Variants in DMRT1 observed in about 807,000 individuals in gnomAD.
DMRT1 encodes the protein doublesex and mab-3 related transcription factor 1, also known as doublesex- and mab-3-related transcription factor 1.
Under a neutral mutation model 32.3 loss-of-function variants are expected in DMRT1, and 7 were observed. The observed-to-expected ratio is 0.22, with a 90% CI of 0.12 to 0.41. The LOEUF (loss-of-function observed/expected upper bound fraction) is 0.41, where lower values mean the gene tolerates loss of function less well. Ranked by LOEUF, DMRT1 falls within the 10% of genes least tolerant of loss-of-function variation. DMRT1 has a pLI of 1.00. For missense variants in DMRT1, 625 were observed against 500.5 expected (o/e 1.25, Z -2.37); for synonymous variants, 278 against 206.1 (o/e 1.35, Z -2.99).
intron 2 of DMRT1, among the ~76,000 whole-genome samples, chr9:885,283 A>G (rs1225506479): frequency 6.6e-6 from 1 of 152,140 alleles, no homozygotes; most frequent in East Asian, 1.9e-4. Context: ...CCTCTGCCTT[A>G]TTGCAAGGAT....
chr9:862,529 G>A (rs2132583815), intron 2 of DMRT1, among the ~76,000 whole-genome samples: 1 of 151,326 alleles, frequency 6.6e-6, no homozygotes, highest in South Asian at 2.1e-4. Context: ...GGGAGGGGGA[G>A]GGGGAGGGAG....
chr9:958,482 T>G (rs1819667782), intron 4 of DMRT1, among the ~76,000 whole-genome samples: 1 of 152,200 alleles, frequency 6.6e-6, no homozygotes, highest in South Asian at 2.1e-4. Context: ...TTCTCCTGCC[T>G]CAGCCTCCCA....
chr9:924,485 C>T (rs1468714268), intron 4 of DMRT1, among the ~76,000 whole-genome samples: 1 of 152,172 alleles, frequency 6.6e-6, no homozygotes, highest in Non-Finnish European at 1.5e-5. Context: ...ATGGCAGAAT[C>T]TGTCATCTCT....
intron 4 of DMRT1, among the ~76,000 whole-genome samples, chr9:938,334 A>G (rs185852605): frequency 6.6e-6 from 1 of 152,328 alleles, no homozygotes; most frequent in Non-Finnish European, 1.5e-5. Context: ...TTTTGATGGA[A>G]ATTGAATTGA....
chr9:842,216 C>T (rs1185669209), intron 1 of DMRT1, 24 bp downstream of exon 1: 3 of 1,455,114 alleles, frequency 2.1e-6, no homozygotes, highest in East Asian at 2.5e-5. Flanking sequence ...TGCGGGAGCC[C>T]GGGTTCAGCC....
At chr9:904,641 A>T (rs1817701791) in intron 3 of DMRT1, among the ~76,000 whole-genome samples, 1 of 152,178 alleles carries the variant, frequency 6.6e-6, no homozygotes, top group Non-Finnish European at 1.5e-5. Flanking sequence ...TGGATGAGAA[A>T]GAAAACTCAA....
intron 2 of DMRT1, among the ~76,000 whole-genome samples, chr9:881,610 T>C (rs1392235000): frequency 6.6e-6 from 1 of 152,226 alleles, no homozygotes; most frequent in Non-Finnish European, 1.5e-5. Context: ...TTTTAAGTTG[T>C]TTGATTACAG....
intron 4 of DMRT1, among the ~76,000 whole-genome samples, chr9:955,416 A>G (rs1819567754): frequency 6.6e-6 from 1 of 152,234 alleles, no homozygotes; most frequent in African/African-American, 2.4e-5. Context: ...AAAAGAGGCA[A>G]AAAACTTGGC....
At chr9:966,064 T>C (rs1313006337) in intron 4 of DMRT1, among the ~76,000 whole-genome samples, 1 of 152,194 alleles carries the variant, frequency 6.6e-6, no homozygotes, top group Non-Finnish European at 1.5e-5. Flanking sequence ...TAGTCGGCTC[T>C]CCAGATCTGT....
chr9:912,860 C>G (rs577444486), intron 3 of DMRT1, among the ~76,000 whole-genome samples: 1 of 152,132 alleles, frequency 6.6e-6, no homozygotes, highest in Non-Finnish European at 1.5e-5. Context: ...ACCAGATTTT[C>G]TTGAGTGGAG....
intron 3 of DMRT1, among the ~76,000 whole-genome samples, chr9:916,373 C>CTTT (rs397893687): frequency 1.1e-4 from 16 of 146,110 alleles, no homozygotes; most frequent in East Asian, 6.0e-4. Context: ...CCTTAATTTG[C>CTTT]TTTTTTTTTT....
intron 3 of DMRT1, among the ~76,000 whole-genome samples, chr9:901,224 G>T (rs1817561075): frequency 6.6e-6 from 1 of 151,944 alleles, no homozygotes; most frequent in South Asian, 2.1e-4. Context: ...CATGTTGCCT[G>T]GGCTGGTCTC....
chr9:871,692 T>A (rs1289664224), intron 2 of DMRT1, among the ~76,000 whole-genome samples: 1 of 148,860 alleles, frequency 6.7e-6, no homozygotes, highest in East Asian at 2.0e-4. Context: ...GCCAGGATGG[T>A]CTCAATCTCC....
intron 4 of DMRT1, among the ~76,000 whole-genome samples, chr9:961,379 C>T (rs769211156): frequency 6.6e-6 from 1 of 152,218 alleles, no homozygotes; most frequent in Admixed American, 6.5e-5. Context: ...GTGCCATGTA[C>T]TTCCCAGAGT....
At chr9:920,261 C>A (rs988826077) in intron 4 of DMRT1, among the ~76,000 whole-genome samples, 2 of 152,030 alleles carry the variant, frequency 1.3e-5, no homozygotes, top group Non-Finnish European at 2.9e-5. Flanking sequence ...ATATAAAGGA[C>A]CAGGGACTGA....
chr9:966,790 A>T (rs1819943410), intron 4 of DMRT1, among the ~76,000 whole-genome samples: 1 of 152,216 alleles, frequency 6.6e-6, no homozygotes, highest in Non-Finnish European at 1.5e-5. Flanking sequence ...TTAAATTCCA[A>T]ACATAATAAG....
At chr9:877,558 G>C (rs1057459724) in intron 2 of DMRT1, among the ~76,000 whole-genome samples, 10 of 152,272 alleles carry the variant, frequency 6.6e-5, no homozygotes, top group Admixed American at 4.6e-4. Context: ...AATCCATAGG[G>C]AATCTGCACA....
intron 3 of DMRT1, among the ~76,000 whole-genome samples, chr9:897,352 G>A (rs558079690): frequency 2.6e-5 from 4 of 151,766 alleles, no homozygotes; most frequent in South Asian, 4.2e-4. Flanking sequence ...TCCTGACCTC[G>A]TGATCCACCA....
At chr9:948,194 C>A (rs73380471) in intron 4 of DMRT1, among the ~76,000 whole-genome samples, 4,398 of 152,260 alleles carry the variant, frequency 0.029, 232 homozygotes, top group African/African-American at 0.1. Flanking sequence ...TGGGGTGGAG[C>A]CTGCCTTGGT....
Sources: gnomAD v4.1 joint callset for allele counts (sites outside exome capture counted in the v4.1 genomes callset) on GRCh38, gnomAD v4.1.1 for gene constraint, MANE v1.5 for transcripts, NCBI Gene and HGNC (gene_info 2026-07-23, HGNC 2026-07-21) for gene names.